SNED1: variants seen among roughly 807,000 people sequenced by gnomAD.
SNED1 encodes sushi, nidogen and EGF like domains 1, also known as sushi, nidogen and EGF-like domain-containing protein 1.
In SNED1, 81 loss-of-function variants were observed where a neutral mutation model predicts 166.7. That is an observed-to-expected ratio of 0.49 (90% CI 0.41 to 0.58). The LOEUF (loss-of-function observed/expected upper bound fraction) is 0.58, where lower values mean the gene tolerates loss of function less well. Among genes scored for constraint, SNED1 ranks in the 20% least tolerant of loss-of-function variants. The pLI is 0.00. For synonymous variants in SNED1, 762 were observed against 822.0 expected, an observed-to-expected ratio of 0.93 and a Z score of 1.25; for missense variants, 1,604 against 2,000.2, an observed-to-expected ratio of 0.80 and a Z score of 3.78.
At chr2:241,082,638 C>T (rs1214468914) in intron 29 of SNED1, among the ~76,000 whole-genome samples, 1 of 152,238 alleles carries the variant, frequency 6.6e-6, no homozygotes, top group African/African-American at 2.4e-5. Context: ...CCTTCCCACA[C>T]ATCAGCCCAG....
At chr2:241,067,284 G>A (rs1157915156) in intron 21 of SNED1, among the ~76,000 whole-genome samples, 7 of 152,244 alleles carry the variant, frequency 4.6e-5, no homozygotes, top group South Asian at 2.1e-4. Context: ...CTGGCTGGGC[G>A]GGAAGCGGAG....
intron 1 of SNED1, among the ~76,000 whole-genome samples, chr2:241,023,916 G>A (rs1311475004): frequency 1.2e-5 from 1 of 86,906 alleles, no homozygotes; most frequent in South Asian, 4.0e-4. Flanking sequence ...TTGAGACAGA[G>A]ACTTGCTCTG....
intron 18 of SNED1, 38 bp downstream of exon 18, chr2:241,063,738 T>C: frequency 1.4e-6 from 2 of 1,392,390 alleles, no homozygotes; most frequent in Non-Finnish European, 2.0e-6. Context: ...ATGCAGAGCC[T>C]GGGCCTCTGG....
At chr2:241,036,046 GT>G (rs2061352731) in intron 4 of SNED1, among the ~76,000 whole-genome samples, 1 of 21,170 alleles carries the variant, frequency 4.7e-5, no homozygotes, top group African/African-American at 5.7e-4. Context: ...TGGGTGGGGG[GT>G]GGAGGTGCGT....
In SNED1 at chr2:241,052,144, G is replaced by T. The variant is rs369648878; in HGVS notation, c.1956G>T (p.Arg652=). The change falls in exon 14 of 32, where the codon CGG becomes CGT. Residue 652 remains arginine (R), a synonymous_variant. Transcript: ENST00000310397. ...KCDCPPGFSG[R]HCEIAPSPCF... ...ACTGTCCCCCAGGCTTCTCCGGGCGGCACTGCGAGATAGGTAAGGTGGGTG... is the reference window on the plus strand; with the variant it reads ...ACTGTCCCCCAGGCTTCTCCGGGCGTCACTGCGAGATAGGTAAGGTGGGTG... The T allele has an allele frequency of 3.4e-4, 547 of 1,613,606 alleles. 6 individuals carry two copies. In the South Asian group the frequency reaches 4.3e-3, roughly 13 times the overall value.
intron 27 of SNED1, among the ~76,000 whole-genome samples, chr2:241,078,397 AAG>A (rs1553591604): frequency 7.4e-5 from 11 of 148,178 alleles, no homozygotes; most frequent in African/African-American, 2.6e-4. Flanking sequence ...AAAAAAAAAA[AAG>A]AAAGAAAGAA....
intron 1 of SNED1, among the ~76,000 whole-genome samples, chr2:241,004,635 A>G (rs112298221): frequency 7.2e-4 from 109 of 152,250 alleles, no homozygotes; most frequent in African/African-American, 2.5e-3. Flanking sequence ...ATAACAGCAT[A>G]CATCCATTTT....
At chr2:241,049,201 G>T in intron 11 of SNED1, 66 bp downstream of exon 11, 1 of 1,270,346 alleles carries the variant, frequency 7.9e-7, no homozygotes, top group Non-Finnish European at 1.1e-6. Context: ...GAAAGCGGTG[G>T]ATGAGGCAGG....
chr2:241,076,442 T>C (rs2063023952), intron 27 of SNED1, among the ~76,000 whole-genome samples: 1 of 152,260 alleles, frequency 6.6e-6, no homozygotes, highest in South Asian at 2.1e-4. Context: ...TACTGGAGTA[T>C]AGATATTTAT....
At position 241,030,511 on chromosome 2, in the gene SNED1, C is replaced by T. The variant is rs189805397; in HGVS notation, c.441C>T (p.Thr147=). 280 of 1,613,936 alleles carry T rather than the reference C, an allele frequency of 1.7e-4. No individual in the cohort carries two copies. The African/African-American group carries it at 3.2e-3, about 19-fold the overall frequency. ...YFPELLDFNA[T]WVFVATWYRV... ...CCGAGCTCCTGGACTTCAATGCCACCTGGGTTTTTGTTGCCACCTGGTACC... is the reference window on the plus strand; with the variant it reads ...CCGAGCTCCTGGACTTCAATGCCACTTGGGTTTTTGTTGCCACCTGGTACC... The change falls in exon 2 of 32, where the codon ACC becomes ACT. Residue 147 remains threonine (T), a synonymous_variant. Coordinates refer to ENST00000310397, the MANE Select transcript of SNED1 (RefSeq NM_001080437.3).
At chr2:241,067,310 T>A (rs1296789510) in intron 21 of SNED1, among the ~76,000 whole-genome samples, 1 of 152,216 alleles carries the variant, frequency 6.6e-6, no homozygotes, top group East Asian at 1.9e-4. Flanking sequence ...AAGTGGCCCC[T>A]TCCCTGCAGT....
intron 30 of SNED1, chr2:241,088,071 C>T: frequency 4.3e-6 from 2 of 467,414 alleles, no homozygotes; most frequent in Non-Finnish European, 7.6e-6. Flanking sequence ...GTCACCGGCT[C>T]TTCCCTAGGG....
intron 27 of SNED1, among the ~76,000 whole-genome samples, chr2:241,078,863 C>G (rs974872753): frequency 6.6e-6 from 1 of 152,068 alleles, no homozygotes; most frequent in Non-Finnish European, 1.5e-5. Context: ...CCTGTAATCC[C>G]AGCACTTTGG....
At chr2:241,000,159 G>A (rs1054535668) in intron 1 of SNED1, among the ~76,000 whole-genome samples, 7 of 152,096 alleles carry the variant, frequency 4.6e-5, no homozygotes, top group Admixed American at 4.6e-4. Flanking sequence ...GCTTCCCGTC[G>A]TCACCATCCA....
chr2:241,073,260 T>C lies in SNED1; in HGVS notation c.3818-6T>C, dbSNP rs1425096623. 6.4e-7 allele frequency: 1 copy of C among 1,553,610 alleles called. No individual in the cohort carries two copies. Among genetic ancestry groups the C allele is most frequent in the Non-Finnish European group, 8.7e-7 (1 of 1,148,722 alleles). ...CGCCGTGTGGTCACCGCCTGGCTTC[T>C]CCTAGAACCCACAGCCTCGGCGCAG... On this transcript the variant is annotated splice_polypyrimidine_tract_variant and splice_region_variant and intron_variant, in intron 26 of 31. Transcript: ENST00000310397. The surrounding 1 kb of genome is among the most constrained non-coding windows in gnomAD (Gnocchi z 6.6).
chr2:241,047,692 C>A (rs2061689312), intron 8 of SNED1, among the ~76,000 whole-genome samples: 2 of 152,264 alleles, frequency 1.3e-5, no homozygotes, highest in Admixed American at 1.3e-4. Context: ...CGTTTGGAGG[C>A]CCCTGGCCCC....
chr2:241,040,489 CCCTT>C, intron 8 of SNED1, 76 bp downstream of exon 8: 2 of 911,132 alleles, frequency 2.2e-6, no homozygotes, highest in Non-Finnish European at 3.3e-6. Context: ...AGCCACTTTC[CCCTT>C]CCTTCCTTGC....
At chr2:241,067,034 G>A (rs962734012) in intron 21 of SNED1, among the ~76,000 whole-genome samples, 5 of 152,224 alleles carry the variant, frequency 3.3e-5, no homozygotes, top group South Asian at 2.1e-4. Context: ...GGGGTGGCTC[G>A]CCTGGGCTGT....
Position 241,051,949 on chromosome 2 carries a change from G to A in SNED1, c.1852+89G>A. On this transcript the variant is annotated intron_variant, in intron 13 of 31. Transcript: ENST00000310397. The surrounding 1 kb of genome is among the most constrained non-coding windows in gnomAD (Gnocchi z 4.7). ...GATGCACCCTCCCTGCCAGCTGTGGGTCTGCTTCTCATGAAGAGGCCCCAG... is the reference window on the plus strand; with the variant it reads ...GATGCACCCTCCCTGCCAGCTGTGGATCTGCTTCTCATGAAGAGGCCCCAG... 1 of 1,482,386 alleles carries A rather than the reference G, an allele frequency of 6.7e-7. No individual in the cohort carries two copies. The highest frequency in any genetic ancestry group is 9.2e-7 in the Non-Finnish European group (1 of 1,082,292). 91.8% of individuals were successfully genotyped at this position (1,482,386 alleles called of 1,614,324 possible).
Sources: gnomAD v4.1 joint callset for allele counts (sites outside exome capture counted in the v4.1 genomes callset) on GRCh38, gnomAD v4.1.1 for gene constraint, Gnocchi (gnomAD v3.1) non-coding constraint, MANE v1.5 for transcripts, NCBI Gene and HGNC (gene_info 2026-07-23, HGNC 2026-07-21) for gene names.